Variants in TMED1 observed in about 807,000 individuals in gnomAD.
TMED1 encodes the protein transmembrane emp24 domain-containing protein 1.
A neutral mutation model predicts 21.2 loss-of-function variants in TMED1; 20 were observed. The observed-to-expected ratio is 0.95, with a 90% confidence interval of 0.67 to 1.37. The LOEUF is 1.37. TMED1 is among the 40% of genes most tolerant of loss of function. TMED1 has a pLI of 0.00. For missense variants in TMED1, 316 were observed against 309.8 expected, an observed-to-expected ratio of 1.02 and a Z score of -0.15; for synonymous variants, 149 against 134.7, an observed-to-expected ratio of 1.11 and a Z score of -0.74.
Position 10,833,232 on chromosome 19 carries a change from G to A in TMED1, c.466-19C>T. 6.3e-7 allele frequency: 1 copy of A among 1,595,034 alleles called. No homozygotes were observed. The highest frequency in any genetic ancestry group is 8.6e-7 in the Non-Finnish European group (1 of 1,168,888). ...TGGACTCCTACAGGGCAGCGGGAGG[G>A]GAAGGGTCAGGCCTCCCTCCACCCA... is the stretch of plus-strand genomic sequence containing the variant. On this transcript the variant is annotated intron_variant, in intron 3 of 3. Coordinates refer to ENST00000214869, the MANE Select transcript of TMED1 (RefSeq NM_006858.4).
intron 1 of TMED1, chr19:10,835,727 C>T: frequency 2.1e-6 from 3 of 1,408,358 alleles, no homozygotes; most frequent in East Asian, 2.6e-5. Context: ...GCACTATCGC[C>T]ACGCCCACCA....
chr19:10,835,794 T>C (rs2146227232), intron 1 of TMED1: 2 of 981,920 alleles, frequency 2.0e-6, no homozygotes, highest in South Asian at 9.5e-5. Context: ...CCGCCCCCTC[T>C]GGATCTCTTA....
At position 10,832,389 on chromosome 19, in the gene TMED1, G is replaced by T. The variant is rs1424408853; in HGVS notation, c.*606C>A. ...CACCTGTCTGGCTGCCCCCTCGGGG[G>T]CCGGTCTGTCCTGGCTGGTGTCCCT... is the stretch of plus-strand genomic sequence containing the variant. On this transcript the variant is annotated 3_prime_UTR_variant, in exon 4 of 4. Transcript: ENST00000214869. 6 of 1,287,304 alleles carry T rather than the reference G, an allele frequency of 4.7e-6. No homozygotes were observed. In the Admixed American group the frequency reaches 1.4e-4, roughly 30 times the overall value. The allele number at this position is 1,287,304 out of a possible 1,614,324, so 79.7% of individuals were successfully genotyped here.
chr19:10,835,119 T>C lies in TMED1; in HGVS notation c.282-2A>G. On this transcript the variant is annotated splice_acceptor_variant, in intron 2 of 3. Coordinates refer to ENST00000214869, the MANE Select transcript of TMED1 (RefSeq NM_006858.4). LOFTEE classifies it high-confidence loss of function. ...TCCCCGGCCTCCGTTGGCTCCACCC[T>C]GGGCAGACAGACACACAGACATGAC... 1 of 1,612,722 alleles carries C rather than the reference T, an allele frequency of 6.2e-7. No homozygotes were observed. Among genetic ancestry groups the C allele is most frequent in the Non-Finnish European group, 8.5e-7 (1 of 1,179,216 alleles).
Position 10,836,066 on chromosome 19 carries a change from C to T in TMED1, c.126G>A (p.Arg42=), listed in dbSNP as rs1471652914. The T allele has an allele frequency of 6.3e-7, 1 of 1,596,612 alleles. No homozygotes were observed. The highest frequency in any genetic ancestry group is 2.3e-5 in the East Asian group (1 of 43,888). Residue 42 remains arginine (R), a synonymous_variant, in exon 1 of 4, where the codon AGG becomes AGA. Transcript: ENST00000214869. ...GCGCGGACTGGTAGAAACACTGCTT[C>T]CTCCCCGCCGGCAACAGGAACGTGA... ...GEFTFLLPAG[R]KQCFYQSAPA... is the part of the protein sequence containing the mutation.
At chr19:10,835,684 T>G (rs1021181909) in intron 1 of TMED1, 2 of 1,391,132 alleles carry the variant, frequency 1.4e-6, no homozygotes, top group Non-Finnish European at 9.3e-7. Context: ...GAGAAAGGCC[T>G]GTGTGGGCAA....
intron 1 of TMED1, chr19:10,835,763 T>A (rs1233505872): frequency 7.1e-7 from 1 of 1,416,984 alleles, no homozygotes; most frequent in Admixed American, 3.0e-5. Context: ...TCTCAGAGGC[T>A]CCCTATACTT....
At position 10,832,417 on chromosome 19, in the gene TMED1, G is replaced by T; in HGVS notation, c.*578C>A. 2.0e-5 allele frequency: 24 copies of T among 1,190,396 alleles called. No homozygotes were observed. The highest frequency in any genetic ancestry group is 2.6e-5 in the Non-Finnish European group (23 of 900,832). The allele number at this position is 1,190,396 out of a possible 1,614,324, so 73.7% of individuals were successfully genotyped here. On this transcript the variant is annotated 3_prime_UTR_variant, in exon 4 of 4. Coordinates refer to ENST00000214869, the MANE Select transcript of TMED1 (RefSeq NM_006858.4). ...GGTCTGTCCTGGCTGGTGTCCCTGA[G>T]CCCCAATCAGCAGGCTCTTGTGATT...
At chr19:10,835,599 T>C in intron 1 of TMED1, 1 of 1,415,106 alleles carries the variant, frequency 7.1e-7, no homozygotes. Context: ...TAATGGACGT[T>C]TACCTGACCA....
rs1195663079 is a variant in TMED1, at chr19:10,832,842, G to A, written c.*153C>T. 1.2e-6 allele frequency: 1 copy of A among 816,566 alleles called. No homozygotes were observed. Among genetic ancestry groups the A allele is most frequent in the Non-Finnish European group, 1.9e-6 (1 of 522,808 alleles). The allele number at this position is 816,566 out of a possible 1,614,324, so 50.6% of individuals were successfully genotyped here. Reference sequence around the variant, plus strand: ...AAGCCAGAGGTGTTCCCTGCCCGCTGAGGACGGAAGGAGACTCATGGGGCC... The same window carrying A: ...AAGCCAGAGGTGTTCCCTGCCCGCTAAGGACGGAAGGAGACTCATGGGGCC... On this transcript the variant is annotated 3_prime_UTR_variant, in exon 4 of 4. Transcript: ENST00000214869.
intron 1 of TMED1, 118 bp from the exon 2 acceptor site, chr19:10,835,471 C>A: frequency 6.7e-7 from 1 of 1,497,120 alleles, no homozygotes; most frequent in Non-Finnish European, 9.0e-7. Flanking sequence ...ACCTGAACGG[C>A]GGCACACCCA....
At chr19:10,835,724 C>A (rs909054091) in intron 1 of TMED1, 73 of 1,407,462 alleles carry the variant, frequency 5.2e-5, no homozygotes, top group Non-Finnish European at 5.7e-5. Context: ...TCAGCACTAT[C>A]GCCACGCCCA....
At chr19:10,834,902 G>A (rs1337289618) in intron 3 of TMED1, 32 bp downstream of exon 3, 1 of 1,601,700 alleles carries the variant, frequency 6.2e-7, no homozygotes, top group Non-Finnish European at 8.5e-7. Context: ...TAGAGATCTG[G>A]AAGGAGTGGC....
chr19:10,835,439 C>T, intron 1 of TMED1, 86 bp from the exon 2 acceptor site: 1 of 1,569,832 alleles, frequency 6.4e-7, no homozygotes, highest in Non-Finnish European at 8.7e-7. Flanking sequence ...CAACACTGAT[C>T]AATACAGACC....
chr19:10,835,803 T>C, intron 1 of TMED1: 2 of 984,308 alleles, frequency 2.0e-6, no homozygotes, highest in Non-Finnish European at 1.2e-6. Context: ...CTGGATCTCT[T>C]ACTCTAGCCC....
intron 1 of TMED1, 83 bp downstream of exon 1, chr19:10,835,923 TTCC>T (rs1434513168): frequency 5.5e-6 from 8 of 1,466,512 alleles, no homozygotes; most frequent in Non-Finnish European, 6.3e-6. Flanking sequence ...TTCCTCCCCC[TTCC>T]TCCTAAAGCG....
In TMED1 at chr19:10,836,179, C is replaced by T. The variant is rs773710781; in HGVS notation, c.13G>A (p.Gly5Ser). 1 of 1,550,946 alleles carries T rather than the reference C, an allele frequency of 6.4e-7. No homozygotes were observed. The highest frequency in any genetic ancestry group is 8.7e-7 in the Non-Finnish European group (1 of 1,151,558). ...CACAAGGCCAGGGCTAGGGCCGCGC[C>T]GGCCGCCATCATCCGGGTCACCCTC... Reference protein sequence around the residue: MMAAGAALALALWLL... With the variant: MMAASAALALALWLL... The change falls in exon 1 of 4, where the codon GGC (glycine) becomes AGC (serine). Residue 5 changes from glycine to serine, a missense_variant. By Grantham distance (56) the Gly-to-Ser change is moderately conservative. Coordinates refer to ENST00000214869, the MANE Select transcript of TMED1 (RefSeq NM_006858.4).
In TMED1 at chr19:10,834,669, G is replaced by A. The variant is rs554500593; in HGVS notation, c.465+265C>T. ...TAATTTTTGTATTTTTAGTAGAGAC[G>A]GGGTTTCACCATGTTGGCCAGGCTG... is the stretch of plus-strand genomic sequence containing the variant. On this transcript the variant is annotated intron_variant, in intron 3 of 3. Transcript: ENST00000214869. The A allele has an allele frequency of 1.4e-3, 382 of 272,632 alleles. 2 individuals carry two copies. The highest frequency in any genetic ancestry group is 4.3e-3 in the South Asian group (86 of 19,924). The allele number at this position is 272,632 out of a possible 1,614,324, so 16.9% of individuals were successfully genotyped here. A position where few individuals can be genotyped will look rare whatever the true frequency, so the allele number is the denominator to read the frequency against.
chr19:10,836,114 G>C lies in TMED1; in HGVS notation c.78C>G (p.Pro26=), dbSNP rs2073425957. ...MPPVEVGGAG[P]PPIQDGEFTF... is the part of the protein sequence containing the mutation. ...TGAACTCACCGTCCTGGATTGGCGG[G>C]GGCCCCGCCCCTCCCACCTCCACTG... The change falls in exon 1 of 4, where the codon CCC becomes CCG. Residue 26 remains proline, a synonymous_variant. Transcript: ENST00000214869. 1 of 1,576,090 alleles carries C rather than the reference G, an allele frequency of 6.3e-7. No homozygotes were observed.
Sources: allele counts gnomAD v4.1 joint callset, GRCh38; gene constraint gnomAD v4.1.1; transcripts MANE v1.5; gene names NCBI Gene and HGNC (gene_info 2026-07-23, HGNC 2026-07-21).